The following MCCC1 variants were observed in gnomAD, a reference collection of about 807,000 sequenced individuals.
MCCC1 encodes the protein methylcrotonoyl-CoA carboxylase subunit alpha, mitochondrial.
MCCC1 carries 64 observed loss-of-function variants against 83.8 expected under a neutral mutation model. The observed-to-expected ratio is 0.76, with a 90% CI of 0.62 to 0.94. The LOEUF (loss-of-function observed/expected upper bound fraction) is 0.94, where lower values mean the gene tolerates loss of function less well. Among genes scored for constraint, MCCC1 ranks in the 40% least tolerant of loss-of-function variants. MCCC1 has a pLI of 0.00. For synonymous variants in MCCC1, 322 were observed against 315.4 expected (o/e 1.02, Z -0.22); for missense variants, 807 against 904.7 (o/e 0.89, Z 1.39).
rs1464041476 is a variant in MCCC1 at position 183,032,156 on chromosome 3, A to AT, written c.1681+1834dup. Among the ~76,000 whole-genome samples the AT allele has an allele frequency of 2.6e-5, 4 of 152,242 alleles. No individual in the cohort carries two copies. In the East Asian group the frequency reaches 7.7e-4, roughly 29 times the overall value. Reference sequence around the variant, plus strand: ...ATGTTGGCTTTTCAATTATGTATTTATTTTTTCATGAAAACTTTTTTTAAT... The same window carrying AT: ...ATGTTGGCTTTTCAATTATGTATTTATTTTTTTCATGAAAACTTTTTTTAAT... On this transcript the variant is annotated intron_variant, in intron 14 of 18. Coordinates refer to ENST00000265594, the MANE Select transcript of MCCC1 (RefSeq NM_020166.5).
At chr3:183,111,269 A>T (rs1719488242) in intron 1 of MCCC1, among the ~76,000 whole-genome samples, 1 of 152,146 alleles carries the variant, frequency 6.6e-6, no homozygotes, top group Non-Finnish European at 1.5e-5. Flanking sequence ...TTACAGGGTC[A>T]TTGTGAAGAT....
intron 7 of MCCC1, among the ~76,000 whole-genome samples, chr3:183,063,722 G>A (rs566017268): frequency 1.3e-5 from 2 of 152,214 alleles, no homozygotes; most frequent in East Asian, 3.9e-4. Context: ...ACCCCCGTCT[G>A]GTAACATCTT....
At chr3:183,044,040 C>T (rs57211814) in intron 10 of MCCC1, among the ~76,000 whole-genome samples, 4,828 of 152,146 alleles carry the variant, frequency 0.032, 267 homozygotes, top group African/African-American at 0.11. Context: ...CCTTTTGGCT[C>T]AATTAGAACC....
At chr3:183,105,722 C>A (rs985981265) in intron 1 of MCCC1, among the ~76,000 whole-genome samples, 3 of 151,970 alleles carry the variant, frequency 2.0e-5, no homozygotes, top group Non-Finnish European at 2.9e-5. Flanking sequence ...AAAACTCTTA[C>A]AAATAGAGCT....
At chr3:183,068,284 G>A (rs913974509) in intron 7 of MCCC1, among the ~76,000 whole-genome samples, 5 of 152,174 alleles carry the variant, frequency 3.3e-5, no homozygotes, top group African/African-American at 1.2e-4. Flanking sequence ...AGGTCATACG[G>A]ACCTTGCAGA....
Position 183,039,117 on chromosome 3 carries a change from T to C in MCCC1, c.1286A>G (p.His429Arg). 2 of 1,614,246 alleles carry C rather than the reference T, an allele frequency of 1.2e-6. No homozygotes were observed. The highest frequency in any genetic ancestry group is 8.5e-7 in the Non-Finnish European group (1 of 1,180,044). ...GVRQGDEVSVHYDPMIAKLVV... is the reference protein window; with the variant it reads ...GVRQGDEVSVRYDPMIAKLVV... The stretch of plus-strand genomic sequence containing the variant: ...CAGCTTCGCAATCATGGGGTCATAA[T>C]GCACGGAAACTTCGTCTCCTGAAAT... The change falls in exon 12 of 19, where the codon CAT becomes CGT. Residue 429 changes from histidine (H) to arginine (R), a missense_variant. His to Arg is a conservative substitution (Grantham distance 29, BLOSUM62 0). Transcript: ENST00000265594.
chr3:183,037,465 T>C (rs2108471070), intron 12 of MCCC1, 31 bp from the exon 13 acceptor site: 4 of 1,528,338 alleles, frequency 2.6e-6, no homozygotes, highest in Non-Finnish European at 2.7e-6. Flanking sequence ...CAGTTCCTGC[T>C]GAGTGGGGAA....
chr3:183,058,064 TA>T (rs1715555112), intron 7 of MCCC1, among the ~76,000 whole-genome samples: 2 of 152,302 alleles, frequency 1.3e-5, no homozygotes, highest in East Asian at 3.9e-4. Flanking sequence ...TAGGGATACG[TA>T]ACAAAAAGTA....
At chr3:183,036,623 TC>T in intron 13 of MCCC1, among the ~76,000 whole-genome samples, 1 of 141,196 alleles carries the variant, frequency 7.1e-6, no homozygotes, top group Non-Finnish European at 1.5e-5. Context: ...CACTGCAACC[TC>T]CGCCTCCCGG....
At chr3:183,109,281 C>T (rs996652295) in intron 1 of MCCC1, among the ~76,000 whole-genome samples, 1 of 152,052 alleles carries the variant, frequency 6.6e-6, no homozygotes, top group Non-Finnish European at 1.5e-5. Context: ...CGTGAGCCAC[C>T]GTGCCTGGCC....
intron 3 of MCCC1, among the ~76,000 whole-genome samples, chr3:183,089,865 T>C (rs1270062179): frequency 6.6e-6 from 1 of 152,120 alleles, no homozygotes; most frequent in Non-Finnish European, 1.5e-5. Flanking sequence ...AGGTTCAGTA[T>C]AGGTGAAAGG....
At chr3:183,103,725 C>T (rs546915529), upstream of MCCC1, among the ~76,000 whole-genome samples, 151 of 152,354 alleles carry the variant, frequency 9.9e-4, no homozygotes, top group African/African-American at 3.5e-3. Flanking sequence ...GAGCTGCCTG[C>T]CAGTCCCGCG....
intron 3 of MCCC1, 77 bp from the exon 4 acceptor site, chr3:183,086,865 G>T (rs1717932766): frequency 4.6e-6 from 6 of 1,297,692 alleles, no homozygotes; most frequent in Non-Finnish European, 4.4e-6. Flanking sequence ...CTGCTTCAGG[G>T]TCATTTTATT....
chr3:183,022,528 A>G lies in MCCC1; in HGVS notation c.1758T>C (p.Leu586=). The G allele has an allele frequency of 3.1e-6, 5 of 1,613,582 alleles. No homozygotes were observed. The highest frequency in any genetic ancestry group is 3.4e-6 in the Non-Finnish European group (4 of 1,179,638). ...AGTCTCCCTCGCTGTAAAGATTACC[A>G]AGGACTTGGAAAGTTTTATCTTCAA... ...MQIEDKTFQV[L]GNLYSEGDCT... Residue 586 remains leucine, a synonymous_variant, in exon 16 of 19, where the codon CTT becomes CTC. Transcript: ENST00000265594.
At chr3:183,058,793 T>C (rs1400482941) in intron 7 of MCCC1, among the ~76,000 whole-genome samples, 4 of 152,196 alleles carry the variant, frequency 2.6e-5, no homozygotes, top group Non-Finnish European at 5.9e-5. Flanking sequence ...GTTTGTGATA[T>C]GGTCACACTG....
chr3:183,099,551 G>A (rs1483309463), upstream of MCCC1: 10 of 1,308,046 alleles, frequency 7.6e-6, no homozygotes, highest in Non-Finnish European at 9.6e-6. Flanking sequence ...GGCCACCGTC[G>A]GAGCCTGAGC....
In MCCC1 at chr3:183,022,482, C is replaced by T. The variant is rs1217220216; in HGVS notation, c.1804G>A (p.Val602Ile). 1 of 1,613,912 alleles carries T rather than the reference C, an allele frequency of 6.2e-7. No homozygotes were observed. The highest frequency in any genetic ancestry group is 2.2e-5 in the East Asian group (1 of 44,898). Residue 602 changes from valine (V) to isoleucine (I), a missense_variant, in exon 16 of 19, where the codon GTT (valine) becomes ATT (isoleucine). Coordinates refer to ENST00000265594, the MANE Select transcript of MCCC1 (RefSeq NM_020166.5). ...TTCGCTTTACTAGCAACTCCATTAA[C>T]AGAACATTTCAGGTAAGTGCAGTCT... Reference protein sequence around the residue: ...EGDCTYLKCSVNGVASKAKLI... With the variant: ...EGDCTYLKCSINGVASKAKLI...
chr3:183,052,305 T>G, intron 8 of MCCC1, 65 bp from the exon 9 acceptor site: 1 of 1,400,670 alleles, frequency 7.1e-7, no homozygotes, highest in Non-Finnish European at 1.0e-6. Context: ...TCCATTAAAA[T>G]TCAATTCAGT....
chr3:183,099,969 T>A (rs1372416837), upstream of MCCC1, among the ~76,000 whole-genome samples: 3 of 151,984 alleles, frequency 2.0e-5, no homozygotes, highest in Non-Finnish European at 4.4e-5. Context: ...AAAGAGGAAG[T>A]CAAAGAGCAA....
Sources: gnomAD v4.1 joint callset for allele counts (sites outside exome capture counted in the v4.1 genomes callset) on GRCh38, gnomAD v4.1.1 for gene constraint, MANE v1.5 for transcripts, NCBI Gene and HGNC (gene_info 2026-07-23, HGNC 2026-07-21) for gene names.